The following KCNQ3 variants were observed in gnomAD, a reference collection of about 807,000 sequenced individuals.
The protein encoded by KCNQ3 is potassium voltage-gated channel subfamily KQT member 3.
A neutral mutation model predicts 92.5 loss-of-function variants in KCNQ3; 30 were observed. The ratio of observed to expected loss-of-function variants is 0.32; its 90% confidence interval spans 0.24 to 0.44. The LOEUF is 0.44. Among genes scored for constraint, KCNQ3 ranks in the 20% least tolerant of loss-of-function variants. The probability of loss-of-function intolerance (pLI) is 1.00; values close to 1 mark genes in which losing one functional copy is unlikely to be tolerated. For synonymous variants in KCNQ3, 450 were observed against 468.8 expected, an observed-to-expected ratio of 0.96 and a Z score of 0.52; for missense variants, 913 against 1,140.3, an observed-to-expected ratio of 0.80 and a Z score of 2.87.
At chr8:132,229,890 C>T (rs140973344) in intron 1 of KCNQ3, among the ~76,000 whole-genome samples, 220 of 152,192 alleles carry the variant, frequency 1.4e-3, no homozygotes, top group African/African-American at 5.0e-3. Flanking sequence ...TATCAGGAGA[C>T]GTGGTGGAAG....
At chr8:132,223,385 G>T (rs1407471832) in intron 1 of KCNQ3, among the ~76,000 whole-genome samples, 1 of 152,222 alleles carries the variant, frequency 6.6e-6, no homozygotes, top group Non-Finnish European at 1.5e-5. Flanking sequence ...GGAGGCACAG[G>T]TATAAAAATG....
chr8:132,282,429 C>T lies in KCNQ3; in HGVS notation c.387-96248G>A, dbSNP rs561398248. Among the ~76,000 whole-genome samples the T allele has an allele frequency of 1.5e-3, 222 of 152,240 alleles. 1 individual carries two copies. The highest frequency in any genetic ancestry group is 4.7e-3 in the Admixed American group (72 of 15,290). On this transcript the variant is annotated intron_variant, in intron 1 of 14. Coordinates refer to ENST00000388996, the MANE Select transcript of KCNQ3 (RefSeq NM_004519.4). ...TATTGTTCCCAGTCCCATCTGTCCC[C>T]CTTGCTAAGTTTTGGGAGACTGAAC...
At chr8:132,195,311 T>C (rs1827271919) in intron 1 of KCNQ3, among the ~76,000 whole-genome samples, 1 of 152,238 alleles carries the variant, frequency 6.6e-6, no homozygotes, top group Non-Finnish European at 1.5e-5. Context: ...AATACTATCT[T>C]AATACAAAAC....
intron 1 of KCNQ3, chr8:132,187,246 A>C (rs778316411): frequency 5.9e-5 from 27 of 455,918 alleles, no homozygotes; most frequent in South Asian, 4.2e-4. Context: ...TTTAAATGGC[A>C]GACGTTGCGC....
intron 1 of KCNQ3, among the ~76,000 whole-genome samples, chr8:132,389,780 T>C (rs996545406): frequency 1.3e-5 from 2 of 152,156 alleles, no homozygotes; most frequent in East Asian, 1.9e-4. Flanking sequence ...ACATGAAAGA[T>C]GGTTGAGATG....
chr8:132,175,340 C>T (rs1826512520), intron 5 of KCNQ3, 113 bp downstream of exon 5: 4 of 1,229,464 alleles, frequency 3.3e-6, no homozygotes, highest in Admixed American at 1.7e-5. Flanking sequence ...TAGAGCTTAC[C>T]TCTGACTGCA....
chr8:132,338,283 C>T (rs1364666901), intron 1 of KCNQ3, among the ~76,000 whole-genome samples: 2 of 152,160 alleles, frequency 1.3e-5, no homozygotes, highest in Admixed American at 1.3e-4. Context: ...AAATTAAACA[C>T]CCAGGTCTGA....
chr8:132,455,262 A>G (rs1821913176), intron 1 of KCNQ3, among the ~76,000 whole-genome samples: 1 of 152,024 alleles, frequency 6.6e-6, no homozygotes, highest in Admixed American at 6.6e-5. Flanking sequence ...GTGTGCCACC[A>G]CGTCTGTCTA....
intron 1 of KCNQ3, among the ~76,000 whole-genome samples, chr8:132,336,972 C>G (rs990697304): frequency 1.3e-5 from 2 of 152,122 alleles, no homozygotes; most frequent in African/African-American, 4.8e-5. Context: ...GAGAGGAAAG[C>G]CAGGAGGAAG....
intron 1 of KCNQ3, among the ~76,000 whole-genome samples, chr8:132,415,729 G>A (rs2597330): frequency 0.15 from 22,862 of 151,760 alleles, 1,891 homozygotes; most frequent in East Asian, 0.25. Flanking sequence ...CATTCTCAAC[G>A]GGACAAAAAA....
At chr8:132,164,198 T>C (rs1205172087) in intron 8 of KCNQ3, among the ~76,000 whole-genome samples, 1 of 152,030 alleles carries the variant, frequency 6.6e-6, no homozygotes, top group Non-Finnish European at 1.5e-5. Flanking sequence ...GTCCTACTCA[T>C]CCTTTATGTA....
intron 1 of KCNQ3, among the ~76,000 whole-genome samples, chr8:132,303,657 G>GTGTGTGTGT (rs1817312791): frequency 3.0e-5 from 2 of 66,372 alleles, no homozygotes; most frequent in Admixed American, 2.1e-4. Context: ...ATATATTTAT[G>GTGTGTGTGT]GTGTGTGTGT....
chr8:132,354,082 C>A (rs1417644583), intron 1 of KCNQ3, among the ~76,000 whole-genome samples: 1 of 152,184 alleles, frequency 6.6e-6, no homozygotes, highest in African/African-American at 2.4e-5. Context: ...GAATAGCGAA[C>A]CTTCTGTGAA....
intron 1 of KCNQ3, among the ~76,000 whole-genome samples, chr8:132,365,926 G>A (rs1819311236): frequency 6.6e-6 from 1 of 152,166 alleles, no homozygotes; most frequent in Non-Finnish European, 1.5e-5. Context: ...AGCTACTCAG[G>A]AGGCTGAGGA....
chr8:132,152,693 C>T (rs1322084285), intron 9 of KCNQ3, among the ~76,000 whole-genome samples: 1 of 152,102 alleles, frequency 6.6e-6, no homozygotes, highest in East Asian at 1.9e-4. Context: ...GACCTGTGGT[C>T]AGTAAAAAAT....
intron 1 of KCNQ3, among the ~76,000 whole-genome samples, chr8:132,292,707 T>C (rs530423387): frequency 6.6e-6 from 1 of 152,310 alleles, no homozygotes; most frequent in South Asian, 2.1e-4. Flanking sequence ...TTTTCATCCA[T>C]GGTTCCTGGC....
Position 132,180,322 on chromosome 8 carries a change from A to C in KCNQ3, c.612T>G (p.Phe204Leu). ...CCACTGGCACAGAGGCAATCAGCAC[A>C]AAGATGTCTGGGAGAGAGGACAGAC... ...ARKPLCMLDI[F>L]VLIASVPVVA... Residue 204 changes from phenylalanine (F) to leucine (L), a missense_variant, in exon 4 of 15, where the codon TTT becomes TTG. Phe to Leu is a conservative substitution (Grantham distance 22, BLOSUM62 0). Transcript: ENST00000388996. The C allele has an allele frequency of 6.2e-7, 1 of 1,614,058 alleles. No individual in the cohort carries two copies.
intron 1 of KCNQ3, among the ~76,000 whole-genome samples, chr8:132,464,432 T>C (rs1419931233): frequency 6.6e-6 from 1 of 152,204 alleles, no homozygotes; most frequent in Non-Finnish European, 1.5e-5. Context: ...TCATGTGTTG[T>C]ATCAGGCTCT....
intron 1 of KCNQ3, among the ~76,000 whole-genome samples, chr8:132,442,980 C>T (rs952869350): frequency 6.6e-6 from 1 of 152,216 alleles, no homozygotes; most frequent in Non-Finnish European, 1.5e-5. Flanking sequence ...CAGAGACAGG[C>T]TCCTGAGGCC....
Sources: allele counts gnomAD v4.1 joint callset (sites outside exome capture counted in the v4.1 genomes callset), GRCh38; gene constraint gnomAD v4.1.1; transcripts MANE v1.5; gene names NCBI Gene and HGNC (gene_info 2026-07-23, HGNC 2026-07-21).